PABPC4L: variants seen among roughly 807,000 people sequenced by gnomAD.
The protein encoded by PABPC4L is polyadenylate-binding protein 4-like.
For synonymous variants in PABPC4L, 169 were observed against 164.1 expected (o/e 1.03, Z -0.23); for missense variants, 452 against 451.4 (o/e 1.00, Z -0.01).
the PABPC4L span, among the ~76,000 whole-genome samples, chr4:134,026,178 G>A: frequency 1.3e-5 from 2 of 151,868 alleles, no homozygotes; most frequent in African/African-American, 4.8e-5. Flanking sequence ...AAAAGGGTGA[G>A]TGAGTGAAGT....
the PABPC4L span, among the ~76,000 whole-genome samples, chr4:134,131,047 T>C: frequency 6.6e-6 from 1 of 152,098 alleles, no homozygotes; most frequent in African/African-American, 2.4e-5. Context: ...TACCTTAAGG[T>C]AATAAAAGCT....
At chr4:134,139,716 C>T in the PABPC4L span, among the ~76,000 whole-genome samples, 2 of 149,942 alleles carry the variant, frequency 1.3e-5, no homozygotes, top group Non-Finnish European at 3.0e-5. Context: ...TTTGGAGAGA[C>T]AACACTTTGC....
At chr4:134,069,229 C>T in the PABPC4L span, among the ~76,000 whole-genome samples, 1 of 150,986 alleles carries the variant, frequency 6.6e-6, no homozygotes, top group Non-Finnish European at 1.5e-5. Flanking sequence ...GGTAACATGC[C>T]CCTTCTCTCT....
the PABPC4L span, among the ~76,000 whole-genome samples, chr4:134,122,815 T>G: frequency 6.6e-6 from 1 of 151,982 alleles, no homozygotes; most frequent in South Asian, 2.1e-4. Flanking sequence ...CTTCTTCTAC[T>G]TATGTATTGA....
At chr4:134,038,808 A>G in the PABPC4L span, among the ~76,000 whole-genome samples, 1 of 151,826 alleles carries the variant, frequency 6.6e-6, no homozygotes, top group Non-Finnish European at 1.5e-5. Flanking sequence ...AGGGTATTTC[A>G]TATCTCTACC....
At chr4:134,032,685 G>T in the PABPC4L span, among the ~76,000 whole-genome samples, 2 of 151,680 alleles carry the variant, frequency 1.3e-5, no homozygotes, top group Non-Finnish European at 3.0e-5. Context: ...TATAATAAGA[G>T]GTGATTTCTA....
the PABPC4L span, among the ~76,000 whole-genome samples, chr4:133,975,160 G>T: frequency 1.3e-5 from 2 of 152,074 alleles, no homozygotes; most frequent in Non-Finnish European, 2.9e-5. Context: ...ATATTATTCA[G>T]CAATTGAAAG....
chr4:134,042,269 A>T, the PABPC4L span, among the ~76,000 whole-genome samples: 4 of 152,092 alleles, frequency 2.6e-5, no homozygotes, highest in Non-Finnish European at 4.4e-5. Context: ...GCAGAGTGGT[A>T]CAATGGACAT....
At chr4:134,012,077 CT>C in the PABPC4L span, among the ~76,000 whole-genome samples, 4 of 152,086 alleles carry the variant, frequency 2.6e-5, no homozygotes, top group Non-Finnish European at 1.5e-5. Flanking sequence ...GCTTTAGAGT[CT>C]GTCTATCTGG....
At chr4:134,011,067 G>GAATAATTTTTA in the PABPC4L span, among the ~76,000 whole-genome samples, 2 of 151,978 alleles carry the variant, frequency 1.3e-5, no homozygotes, top group African/African-American at 2.4e-5. Flanking sequence ...ACATTCCTCT[G>GAATAATTTTTA]AATAATTTTT....
the PABPC4L span, among the ~76,000 whole-genome samples, chr4:133,996,682 A>C: frequency 6.6e-6 from 1 of 152,102 alleles, no homozygotes; most frequent in Non-Finnish European, 1.5e-5. Flanking sequence ...ACTCTGGCTG[A>C]GGGGTGGATG....
the PABPC4L span, among the ~76,000 whole-genome samples, chr4:134,065,855 C>A: frequency 2.6e-5 from 4 of 152,092 alleles, no homozygotes; most frequent in Non-Finnish European, 5.9e-5. Context: ...GTTATCCCAG[C>A]ACCAATTATT....
At chr4:134,007,053 A>G in the PABPC4L span, among the ~76,000 whole-genome samples, 3 of 151,860 alleles carry the variant, frequency 2.0e-5, no homozygotes, top group East Asian at 1.9e-4. Context: ...CATAAAGGAT[A>G]ATGTTTTGGA....
chr4:134,096,831 G>T, the PABPC4L span, among the ~76,000 whole-genome samples: 1 of 151,908 alleles, frequency 6.6e-6, no homozygotes, highest in African/African-American at 2.4e-5. Flanking sequence ...AATCACATTT[G>T]GTGTCCAGTA....
chr4:133,966,611 G>A, the PABPC4L span, among the ~76,000 whole-genome samples: 10 of 152,118 alleles, frequency 6.6e-5, no homozygotes, highest in African/African-American at 1.9e-4. Context: ...TATATACAAT[G>A]GAATACTACT....
At chr4:134,137,286 T>A in the PABPC4L span, among the ~76,000 whole-genome samples, 426 of 152,110 alleles carry the variant, frequency 2.8e-3, 1 homozygote, top group Middle Eastern at 0.01. Flanking sequence ...ATAATATTAA[T>A]AAGAATCTGG....
chr4:133,981,017 C>T, the PABPC4L span, among the ~76,000 whole-genome samples: 5 of 151,978 alleles, frequency 3.3e-5, no homozygotes, highest in East Asian at 1.9e-4. Flanking sequence ...AAAAATCAGC[C>T]GGGTGTAGTG....
At chr4:134,097,802 A>G in the PABPC4L span, among the ~76,000 whole-genome samples, 1 of 151,988 alleles carries the variant, frequency 6.6e-6, no homozygotes, top group South Asian at 2.1e-4. Context: ...TTTTATTTGT[A>G]TGTCAGCTTC....
At chr4:134,030,258 G>T in the PABPC4L span, among the ~76,000 whole-genome samples, 1 of 152,066 alleles carries the variant, frequency 6.6e-6, no homozygotes, top group Non-Finnish European at 1.5e-5. Context: ...GGCTGGAACA[G>T]TTAGGAGGCC....
Sources: gnomAD v4.1 joint callset for allele counts (sites outside exome capture counted in the v4.1 genomes callset) on GRCh38, gnomAD v4.1.1 for gene constraint, MANE v1.5 for transcripts, NCBI Gene and HGNC (gene_info 2026-07-23, HGNC 2026-07-21) for gene names.